Variants in MRTFA observed in about 807,000 individuals in gnomAD.
MRTFA encodes myocardin related transcription factor A.
MRTFA carries 20 observed loss-of-function variants against 83.5 expected under a neutral mutation model. The observed-to-expected ratio is 0.24, with a 90% CI of 0.17 to 0.35. The LOEUF is 0.35. Among genes scored for constraint, MRTFA ranks in the 10% least tolerant of loss-of-function variants. The probability of loss-of-function intolerance (pLI) is 1.00; values close to 1 mark genes in which losing one functional copy is unlikely to be tolerated. For synonymous variants in MRTFA, 659 were observed against 541.2 expected, an observed-to-expected ratio of 1.22 and a Z score of -3.02; for missense variants, 1,200 against 1,224.7, an observed-to-expected ratio of 0.98 and a Z score of 0.30.
At chr22:40,572,483 C>A (rs773073097) in intron 2 of MRTFA, among the ~76,000 whole-genome samples, 3 of 148,038 alleles carry the variant, frequency 2.0e-5, no homozygotes, top group Non-Finnish European at 4.5e-5. Context: ...GAAACCCTAT[C>A]TCTTAAAAAA....
intron 4 of MRTFA, among the ~76,000 whole-genome samples, chr22:40,438,884 T>C (rs2053221116): frequency 2.0e-5 from 3 of 152,190 alleles, no homozygotes; most frequent in African/African-American, 4.8e-5. Context: ...TCTATATGAA[T>C]TCCTATTTGG....
intron 7 of MRTFA, among the ~76,000 whole-genome samples, chr22:40,427,275 G>T (rs2052974739): frequency 6.6e-6 from 1 of 152,162 alleles, no homozygotes; most frequent in Non-Finnish European, 1.5e-5. Flanking sequence ...GAAAATCTGT[G>T]AATTATAAGA....
chr22:40,481,339 GTTCA>G (rs1160143016), intron 3 of MRTFA, among the ~76,000 whole-genome samples: 1 of 152,056 alleles, frequency 6.6e-6, no homozygotes, highest in Non-Finnish European at 1.5e-5. Context: ...CAGTTGGCTC[GTTCA>G]TTCATTTATT....
chr22:40,427,984 AG>A (rs1370762522), intron 7 of MRTFA, among the ~76,000 whole-genome samples: 1 of 152,206 alleles, frequency 6.6e-6, no homozygotes, highest in Non-Finnish European at 1.5e-5. Flanking sequence ...AGGAGAGGGC[AG>A]GGAAGTTCCA....
At chr22:40,591,713 GAACT>G (rs1486835301) in intron 2 of MRTFA, among the ~76,000 whole-genome samples, 8 of 152,210 alleles carry the variant, frequency 5.3e-5, no homozygotes, top group South Asian at 4.1e-4. Context: ...TATTTTTAAA[GAACT>G]AACATTTGTT....
chr22:40,609,893 A>G (rs2056365636), intron 1 of MRTFA, among the ~76,000 whole-genome samples: 1 of 152,192 alleles, frequency 6.6e-6, no homozygotes. Flanking sequence ...AAAGGCAGAT[A>G]AACGTATGTC....
At chr22:40,572,082 C>A (rs550132358) in intron 2 of MRTFA, among the ~76,000 whole-genome samples, 1 of 150,880 alleles carries the variant, frequency 6.6e-6, no homozygotes, top group African/African-American at 2.4e-5. Flanking sequence ...CAGATTATAA[C>A]AAGTGATGGT....
At chr22:40,518,136 A>C (rs919640776) in intron 3 of MRTFA, among the ~76,000 whole-genome samples, 3 of 152,090 alleles carry the variant, frequency 2.0e-5, no homozygotes, top group Non-Finnish European at 2.9e-5. Flanking sequence ...TAAATTGACA[A>C]ATTTAAGTAA....
chr22:40,487,062 T>C (rs530673753), intron 3 of MRTFA, among the ~76,000 whole-genome samples: 65 of 152,274 alleles, frequency 4.3e-4, no homozygotes, highest in African/African-American at 1.5e-3. Context: ...AAACTTCATA[T>C]ATACTTGTGT....
At chr22:40,605,544 C>G (rs74686940) in intron 1 of MRTFA, among the ~76,000 whole-genome samples, 3 of 152,096 alleles carry the variant, frequency 2.0e-5, no homozygotes, top group Non-Finnish European at 4.4e-5. Flanking sequence ...GAAAAACCAC[C>G]GCAGGTAAGA....
At chr22:40,417,664 T>C in intron 12 of MRTFA, 171 bp from the exon 13 acceptor site, 26 of 415,460 alleles carry the variant, frequency 6.3e-5, no homozygotes, top group East Asian at 2.9e-4. Context: ...TAGGAAGGAA[T>C]ACAGGATGGG....
chr22:40,583,474 AT>A (rs1303442200), intron 2 of MRTFA, among the ~76,000 whole-genome samples: 1 of 152,242 alleles, frequency 6.6e-6, no homozygotes, highest in East Asian at 1.9e-4. Flanking sequence ...GTTGCAAGTA[AT>A]CAGACTTGCA....
chr22:40,537,129 G>C (rs1352401290), intron 3 of MRTFA, among the ~76,000 whole-genome samples: 1 of 51,864 alleles, frequency 1.9e-5, no homozygotes, highest in African/African-American at 7.2e-5. Context: ...TCAGCCCCCC[G>C]CCCGGCCAGC....
At chr22:40,534,744 T>A (rs2055138538) in intron 3 of MRTFA, among the ~76,000 whole-genome samples, 1 of 152,262 alleles carries the variant, frequency 6.6e-6, no homozygotes. Context: ...CTGAATTTTT[T>A]AAAGTTGGAA....
Position 40,429,781 on chromosome 22 carries a change from A to G in MRTFA, c.440-14T>C, listed in dbSNP as rs771462355. On this transcript the variant is annotated splice_polypyrimidine_tract_variant and intron_variant, in intron 6 of 14. Transcript: ENST00000355630. ...CAGCCGAGGTCTCTGCCCATGGGAGAGAAAGGGGTGCAGGAAGATATATGA... is the reference window on the plus strand; with the variant it reads ...CAGCCGAGGTCTCTGCCCATGGGAGGGAAAGGGGTGCAGGAAGATATATGA... 2 of 1,600,754 alleles carry G rather than the reference A, an allele frequency of 1.2e-6. No individual in the cohort carries two copies. Among genetic ancestry groups the G allele is most frequent in the East Asian group, 2.2e-5 (1 of 44,754 alleles).
chr22:40,502,096 T>C (rs1258463245), intron 3 of MRTFA, among the ~76,000 whole-genome samples: 1 of 116,076 alleles, frequency 8.6e-6, no homozygotes, highest in South Asian at 3.2e-4. Flanking sequence ...CACTTCCCAG[T>C]AGGGGCGGCC....
At chr22:40,486,421 A>C (rs1331976417) in intron 3 of MRTFA, among the ~76,000 whole-genome samples, 1 of 152,236 alleles carries the variant, frequency 6.6e-6, no homozygotes, top group African/African-American at 2.4e-5. Flanking sequence ...AGAAAGTTCC[A>C]GGCTGGTGAC....
At chr22:40,492,814 A>G (rs1223801622) in intron 3 of MRTFA, among the ~76,000 whole-genome samples, 1 of 152,272 alleles carries the variant, frequency 6.6e-6, no homozygotes, top group Admixed American at 6.5e-5. Context: ...TGATGTGGGA[A>G]CCATAAACGT....
intron 4 of MRTFA, among the ~76,000 whole-genome samples, chr22:40,459,657 G>A (rs918077838): frequency 1.3e-5 from 2 of 151,146 alleles, no homozygotes; most frequent in African/African-American, 4.9e-5. Flanking sequence ...CAATAGAGCG[G>A]TATCTATTTC....
Sources: allele counts gnomAD v4.1 joint callset (sites outside exome capture counted in the v4.1 genomes callset), GRCh38; gene constraint gnomAD v4.1.1; transcripts MANE v1.5; gene names NCBI Gene and HGNC (gene_info 2026-07-23, HGNC 2026-07-21).